TREM1: variants seen among roughly 807,000 people sequenced by gnomAD.
TREM1 encodes the protein triggering receptor expressed on monocytes 1.
In TREM1, 16 loss-of-function variants were observed where a neutral mutation model predicts 22.4. That is an observed-to-expected ratio of 0.71 (90% CI 0.48 to 1.08). The LOEUF is 1.08. Among genes scored for constraint, TREM1 ranks in the 50% least tolerant of loss-of-function variants. The pLI is 0.00. For synonymous variants in TREM1, 110 were observed against 111.6 expected, an observed-to-expected ratio of 0.99 and a Z score of 0.09; for missense variants, 283 against 282.9, an observed-to-expected ratio of 1.00 and a Z score of 0.00.
At chr6:41,286,570 A>G in intron 1 of TREM1, 37 bp downstream of exon 1, 1 of 1,612,288 alleles carries the variant, frequency 6.2e-7, no homozygotes, top group Non-Finnish European at 8.5e-7. Flanking sequence ...ATCCTGGACC[A>G]AACGCCTCCC....
In TREM1 at chr6:41,284,474, C is replaced by A. The variant is rs574773168; in HGVS notation, c.50-1723G>T. Among the ~76,000 whole-genome samples, 4 of 152,168 alleles carry A rather than the reference C, an allele frequency of 2.6e-5. No homozygotes were observed. In the South Asian group the frequency reaches 8.3e-4, roughly 32 times the overall value. ...CTTGCTGATGGGAGGCCAAGCAGAG[C>A]GGAAGTGAGAAGACCAAGGTCCGTG... On this transcript the variant is annotated intron_variant, in intron 1 of 3. Transcript: ENST00000244709.
chr6:41,270,765 C>A (rs1033084305), downstream of TREM1, among the ~76,000 whole-genome samples: 6 of 152,126 alleles, frequency 3.9e-5, no homozygotes, highest in Non-Finnish European at 8.8e-5. Context: ...GGCTGGAGTG[C>A]AGTGGTGCAA....
chr6:41,267,917 A>C (rs1767373111), downstream of TREM1: 1 of 398,540 alleles, frequency 2.5e-6, no homozygotes, highest in Non-Finnish European at 4.4e-6. Context: ...GTTTGCTTAC[A>C]GTTGACCTTG....
intron 1 of TREM1, among the ~76,000 whole-genome samples, chr6:41,284,249 T>C (rs1768062619): frequency 6.6e-6 from 1 of 152,122 alleles, no homozygotes; most frequent in African/African-American, 2.4e-5. Context: ...GCTACTAACA[T>C]CTAATGGATA....
At position 41,282,552 on chromosome 6, in the gene TREM1, C is replaced by A; in HGVS notation, c.249G>T (p.Gly83=). ...CATGGTAGTCTTCTAGTATGATCCTCCCCACTTGGACTGGATGGGAATTCT... is the reference window on the plus strand; with the variant it reads ...CATGGTAGTCTTCTAGTATGATCCTACCCACTTGGACTGGATGGGAATTCT... The part of the protein sequence containing the change: ...PSKNSHPVQV[G]RIILEDYHDH... Residue 83 remains glycine (G), a synonymous_variant, in exon 2 of 4, where the codon GGG becomes GGT. Coordinates refer to ENST00000244709, the MANE Select transcript of TREM1 (RefSeq NM_018643.5). 1.9e-6 allele frequency: 3 copies of A among 1,614,164 alleles called. No individual in the cohort carries two copies. Among genetic ancestry groups the A allele is most frequent in the Non-Finnish European group, 2.5e-6 (3 of 1,180,030 alleles).
At chr6:41,284,774 G>C (rs1487381745) in intron 1 of TREM1, among the ~76,000 whole-genome samples, 1 of 152,156 alleles carries the variant, frequency 6.6e-6, no homozygotes, top group Non-Finnish European at 1.5e-5. Context: ...CCTGACCTTA[G>C]GAAGACTCAA....
intron 1 of TREM1, among the ~76,000 whole-genome samples, chr6:41,283,991 G>C (rs1295835803): frequency 6.6e-6 from 1 of 152,024 alleles, no homozygotes; most frequent in African/African-American, 2.4e-5. Flanking sequence ...ATAGTGGAGG[G>C]GAGAGAAAGA....
chr6:41,280,098 G>A (rs1767843437), intron 3 of TREM1: 2 of 937,956 alleles, frequency 2.1e-6, no homozygotes, highest in Non-Finnish European at 2.5e-6. Flanking sequence ...ATAAAAACAT[G>A]TATAATTAGA....
At chr6:41,285,822 C>T (rs1185903916) in intron 1 of TREM1, among the ~76,000 whole-genome samples, 1 of 152,218 alleles carries the variant, frequency 6.6e-6, no homozygotes, top group African/African-American at 2.4e-5. Flanking sequence ...ACAGGCTCTT[C>T]AAGGCAGTTG....
At chr6:41,267,912 C>T (rs1767373038), downstream of TREM1, 1 of 398,454 alleles carries the variant, frequency 2.5e-6, no homozygotes. Flanking sequence ...TTTTTGTTTG[C>T]TTACAGTTGA....
At chr6:41,282,831 T>C in intron 1 of TREM1, 80 bp from the exon 2 acceptor site, 1 of 1,294,342 alleles carries the variant, frequency 7.7e-7, no homozygotes, top group Non-Finnish European at 1.1e-6. Context: ...AGGAGCCCCC[T>C]GTTTTTCTTG....
In TREM1 at chr6:41,275,139, G is replaced by A. The variant is rs1376425099; in HGVS notation, c.*986C>T. ...CATGGAAACTGAGGCAGGTGTTCCA[G>A]GAGCAGACTGAGAGAAGAGGAGGAG... On this transcript the variant is annotated 3_prime_UTR_variant, in exon 4 of 4. Transcript: ENST00000244709. 4 of 152,354 alleles carry A rather than the reference G, an allele frequency of 2.6e-5. No homozygotes were observed. The highest frequency in any genetic ancestry group is 9.7e-5 in the African/African-American group (4 of 41,396). 9.4% of individuals were successfully genotyped at this position (152,354 alleles called of 1,614,324 possible).
Position 41,276,140 on chromosome 6 carries a change from C to T in TREM1, c.690G>A (p.Arg230=), listed in dbSNP as rs1353009849. The T allele has an allele frequency of 1.2e-6, 2 of 1,614,048 alleles. No individual in the cohort carries two copies. The highest frequency in any genetic ancestry group is 2.7e-5 in the African/African-American group (2 of 74,988). The change falls in exon 4 of 4, where the codon AGG becomes AGA. Residue 230 remains arginine (R), a synonymous_variant. Transcript: ENST00000244709. The part of the protein sequence containing the change: ...VFSVLFAVTL[R]SFVP ...GTTCGTGGGCCTAGGGTACAAATGA[C>T]CTCAGCGTGACAGCAAACAGGACAG...
chr6:41,279,568 T>C lies in TREM1; in HGVS notation c.599+1393A>G, dbSNP rs552943002. On this transcript the variant is annotated intron_variant, in intron 3 of 3. Coordinates refer to ENST00000244709, the MANE Select transcript of TREM1 (RefSeq NM_018643.5). Reference sequence around the variant, plus strand: ...ATTCGTTTGATTTATTCCACAGAAGTTTAATGAGCACTTTGTTCCCCAAAC... The same window carrying C: ...ATTCGTTTGATTTATTCCACAGAAGCTTAATGAGCACTTTGTTCCCCAAAC... 17 of 985,284 alleles carry C rather than the reference T, an allele frequency of 1.7e-5. No individual in the cohort carries two copies. The African/African-American group carries it at 2.3e-4, about 13-fold the overall frequency. 61.0% of individuals were successfully genotyped at this position (985,284 alleles called of 1,614,324 possible).
At chr6:41,277,904 T>G (rs1430945290) in intron 3 of TREM1, among the ~76,000 whole-genome samples, 2 of 140,418 alleles carry the variant, frequency 1.4e-5, no homozygotes, top group Non-Finnish European at 3.0e-5. Flanking sequence ...TTTTTCTTTT[T>G]GTCTTTTTTT....
intron 3 of TREM1, chr6:41,279,837 T>G (rs1767833710): frequency 5.1e-6 from 5 of 985,336 alleles, no homozygotes; most frequent in Non-Finnish European, 6.0e-6. Context: ...GTAGATGCTA[T>G]TTGTATACAA....
At chr6:41,286,509 A>G (rs1397319271) in intron 1 of TREM1, 98 bp downstream of exon 1, 1 of 1,336,400 alleles carries the variant, frequency 7.5e-7, no homozygotes, top group South Asian at 1.2e-5. Context: ...GGTTGGCTCT[A>G]TCTTGGATGG....
At chr6:41,276,533 G>A (rs1226851366) in intron 3 of TREM1, among the ~76,000 whole-genome samples, 8 of 152,038 alleles carry the variant, frequency 5.3e-5, no homozygotes, top group South Asian at 2.1e-4. Context: ...CAGGAAACCC[G>A]CTCTCTATTC....
chr6:41,276,277 C>T (rs762332979), intron 3 of TREM1, 47 bp from the exon 4 acceptor site: 6 of 1,403,212 alleles, frequency 4.3e-6, no homozygotes, highest in African/African-American at 1.4e-5. Flanking sequence ...AAGTCTCTCC[C>T]ACACGCACAT....
Sources: gnomAD v4.1 joint callset for allele counts (sites outside exome capture counted in the v4.1 genomes callset) on GRCh38, gnomAD v4.1.1 for gene constraint, MANE v1.5 for transcripts, NCBI Gene and HGNC (gene_info 2026-07-23, HGNC 2026-07-21) for gene names.